FNBP1L: variants seen among roughly 807,000 people sequenced by gnomAD.
The protein encoded by FNBP1L is formin-binding protein 1-like.
Under a neutral mutation model 91.2 loss-of-function variants are expected in FNBP1L, and 36 were observed. The ratio of observed to expected loss-of-function variants is 0.39; its 90% confidence interval spans 0.30 to 0.52. FNBP1L has a LOEUF of 0.52. FNBP1L is among the 20% of genes least tolerant of loss of function. FNBP1L has a pLI of 0.66. For missense variants in FNBP1L, 571 were observed against 732.1 expected (o/e 0.78, Z 2.54); for synonymous variants, 242 against 237.0 (o/e 1.02, Z -0.19).
chr1:93,478,449 A>G (rs1225117375), intron 1 of FNBP1L, among the ~76,000 whole-genome samples: 2 of 152,122 alleles, frequency 1.3e-5, no homozygotes, highest in Non-Finnish European at 2.9e-5. Flanking sequence ...GTTGGAGCCT[A>G]AGTGGAATGA....
chr1:93,530,665 A>G, intron 6 of FNBP1L, 90 bp from the exon 7 acceptor site: 3 of 1,421,652 alleles, frequency 2.1e-6, no homozygotes, highest in South Asian at 2.7e-5. Context: ...TGGCTTCTTC[A>G]TTGATAAAAT....
chr1:93,527,144 G>GTA (rs1439333718), intron 5 of FNBP1L, among the ~76,000 whole-genome samples: 1 of 152,154 alleles, frequency 6.6e-6, no homozygotes, highest in African/African-American at 2.4e-5. Flanking sequence ...TTTATTTGAT[G>GTA]TAAGTTATAG....
chr1:93,512,287 C>T (rs1003762082), intron 2 of FNBP1L, among the ~76,000 whole-genome samples: 1 of 151,944 alleles, frequency 6.6e-6, no homozygotes, highest in Non-Finnish European at 1.5e-5. Flanking sequence ...CCTGAGTGAC[C>T]TACAAAGAGA....
At chr1:93,504,619 A>G (rs1670545115) in intron 2 of FNBP1L, among the ~76,000 whole-genome samples, 1 of 152,184 alleles carries the variant, frequency 6.6e-6, no homozygotes, top group Admixed American at 6.5e-5. Flanking sequence ...CTCACCAGCA[A>G]TACACAAAGC....
chr1:93,530,977 C>G, intron 7 of FNBP1L, 94 bp downstream of exon 7: 1 of 1,001,850 alleles, frequency 1.0e-6, no homozygotes, highest in Non-Finnish European at 1.4e-6. Context: ...TTTCTAGATT[C>G]ACTAGACATC....
intron 1 of FNBP1L, among the ~76,000 whole-genome samples, chr1:93,460,686 A>G (rs1668830892): frequency 6.6e-6 from 1 of 152,248 alleles, no homozygotes; most frequent in Admixed American, 6.5e-5. Context: ...GTACAGAAAG[A>G]CAAATATCAC....
intron 2 of FNBP1L, among the ~76,000 whole-genome samples, chr1:93,519,915 A>G (rs1052833316): frequency 6.6e-6 from 1 of 152,176 alleles, no homozygotes; most frequent in Admixed American, 6.5e-5. Flanking sequence ...GTTGCACCCT[A>G]GAGTGAGTGA....
At chr1:93,515,947 A>G (rs1671089106) in intron 2 of FNBP1L, among the ~76,000 whole-genome samples, 3 of 152,286 alleles carry the variant, frequency 2.0e-5, no homozygotes, top group Admixed American at 6.5e-5. Flanking sequence ...AAAAATTACC[A>G]TAATAATTGA....
intron 2 of FNBP1L, 98 bp from the exon 3 acceptor site, chr1:93,521,984 A>G: frequency 1.6e-6 from 1 of 631,562 alleles, no homozygotes; most frequent in Non-Finnish European, 2.5e-6. Context: ...GTTTTATATC[A>G]TAAAATTCAT....
At chr1:93,465,430 AC>A (rs1669043057) in intron 1 of FNBP1L, among the ~76,000 whole-genome samples, 1 of 148,494 alleles carries the variant, frequency 6.7e-6, no homozygotes, top group Non-Finnish European at 1.5e-5. Context: ...TTCAATTCCC[AC>A]CTATGAGTGA....
Position 93,475,606 on chromosome 1 carries a change from A to G in FNBP1L, c.25-23862A>G, listed in dbSNP as rs954666306. On this transcript the variant is annotated intron_variant, in intron 1 of 16. Transcript: ENST00000271234. ...ACTCAGTACACATCACATGCATGTAATAAAGAGATACTCTGAGCCAATCAT... is the reference window on the plus strand; with the variant it reads ...ACTCAGTACACATCACATGCATGTAGTAAAGAGATACTCTGAGCCAATCAT... 2.0e-5 allele frequency among the ~76,000 whole-genome samples: 3 copies of G among 152,206 alleles called. No individual in the cohort carries two copies. In the East Asian group the frequency reaches 5.8e-4, roughly 29 times the overall value.
chr1:93,466,340 A>C, intron 1 of FNBP1L, among the ~76,000 whole-genome samples: 1 of 152,212 alleles, frequency 6.6e-6, no homozygotes, highest in East Asian at 1.9e-4. Flanking sequence ...TTTAGATCTA[A>C]CATTTAAGTC....
At chr1:93,503,978 G>A (rs1670522874) in intron 2 of FNBP1L, among the ~76,000 whole-genome samples, 1 of 152,024 alleles carries the variant, frequency 6.6e-6, no homozygotes, top group South Asian at 2.1e-4. Flanking sequence ...TGGCAGTATG[G>A]TATAGTGGAA....
Position 93,529,639 on chromosome 1 carries a change from A to AT in FNBP1L, c.406-6dup, listed in dbSNP as rs1021934616. 7.0e-6 allele frequency: 10 copies of AT among 1,427,522 alleles called. No individual in the cohort carries two copies. The East Asian group carries it at 1.3e-4, about 19-fold the overall frequency. 88.4% of individuals were successfully genotyped at this position (1,427,522 alleles called of 1,614,324 possible). ...TTTATTTTCTCAGTGTGATATTTTA[A>AT]TTTTTTTAACAGAGTAAAAAGAAGT... is the stretch of plus-strand genomic sequence containing the variant. On this transcript the variant is annotated splice_polypyrimidine_tract_variant and intron_variant, in intron 5 of 16. Coordinates refer to ENST00000271234, the MANE Select transcript of FNBP1L (RefSeq NM_001164473.3).
chr1:93,512,723 A>G (rs569825530), intron 2 of FNBP1L, among the ~76,000 whole-genome samples: 63 of 152,036 alleles, frequency 4.1e-4, no homozygotes, highest in Admixed American at 6.5e-5. Context: ...TTTGAAACCA[A>G]CGAGAACAAA....
chr1:93,528,842 A>G (rs1360441129), intron 5 of FNBP1L, among the ~76,000 whole-genome samples: 3 of 152,166 alleles, frequency 2.0e-5, no homozygotes, highest in African/African-American at 7.2e-5. Context: ...TGGTTGAATT[A>G]TGCATTGGAA....
intron 2 of FNBP1L, among the ~76,000 whole-genome samples, chr1:93,512,387 C>T (rs1167106208): frequency 6.6e-6 from 1 of 151,326 alleles, no homozygotes; most frequent in South Asian, 2.1e-4. Flanking sequence ...AACAAGGATA[C>T]CCAGGAATTG....
At chr1:93,522,164 T>C in intron 3 of FNBP1L, 29 bp downstream of exon 3, 1 of 1,237,230 alleles carries the variant, frequency 8.1e-7, no homozygotes, top group Non-Finnish European at 1.1e-6. Context: ...CATTAATGCA[T>C]ATTAAAAAAT....
intron 5 of FNBP1L, 90 bp downstream of exon 5, chr1:93,524,413 A>G (rs910704224): frequency 4.4e-6 from 4 of 904,484 alleles, no homozygotes; most frequent in Non-Finnish European, 6.3e-6. Context: ...TTTGAGTTTA[A>G]TGTTTCTCAG....
Sources: allele counts gnomAD v4.1 joint callset (sites outside exome capture counted in the v4.1 genomes callset), GRCh38; gene constraint gnomAD v4.1.1; transcripts MANE v1.5; gene names NCBI Gene and HGNC (gene_info 2026-07-23, HGNC 2026-07-21).